Variants in UNC13C observed in about 807,000 individuals in gnomAD.
UNC13C encodes protein unc-13 homolog C.
Under a neutral mutation model 245.4 loss-of-function variants are expected in UNC13C, and 174 were observed. The ratio of observed to expected loss-of-function variants is 0.71; its 90% CI spans 0.63 to 0.80. The LOEUF (loss-of-function observed/expected upper bound fraction) is 0.80, where lower values mean the gene tolerates loss of function less well. Among genes scored for constraint, UNC13C ranks in the 30% least tolerant of loss-of-function variants. UNC13C has a pLI of 0.00. For synonymous variants in UNC13C, 992 were observed against 895.1 expected, an observed-to-expected ratio of 1.11 and a Z score of -1.93; for missense variants, 2,829 against 2,602.9, an observed-to-expected ratio of 1.09 and a Z score of -1.89.
At chr15:54,037,400 A>G (rs1595748507) in intron 2 of UNC13C, among the ~76,000 whole-genome samples, 1 of 152,200 alleles carries the variant, frequency 6.6e-6, no homozygotes, top group Middle Eastern at 3.2e-3. Flanking sequence ...AATTGCGGTA[A>G]TAAGAGTATT....
At chr15:54,479,253 G>A (rs188655640) in intron 19 of UNC13C, among the ~76,000 whole-genome samples, 325 of 152,102 alleles carry the variant, frequency 2.1e-3, no homozygotes, top group Non-Finnish European at 3.6e-3. Flanking sequence ...ATATATCTGG[G>A]TGCTTTGGTA....
rs931307407 is a variant in UNC13C at position 54,325,265 on chromosome 15, C to T, written c.4425+3170C>T. The stretch of plus-strand genomic sequence containing the variant: ...TTCCAACATTGAAGGCACACACACA[C>T]ATACATACACACACTTACACACACA... On this transcript the variant is annotated intron_variant, in intron 14 of 32. Coordinates refer to ENST00000260323, the MANE Select transcript of UNC13C (RefSeq NM_001080534.3). Among the ~76,000 whole-genome samples, 15 of 151,876 alleles carry T rather than the reference C, an allele frequency of 9.9e-5. 1 individual carries two copies. The highest frequency in any genetic ancestry group is 2.0e-4 in the Admixed American group (3 of 15,246).
At chr15:53,993,856 G>T (rs1894497763) in intron 1 of UNC13C, among the ~76,000 whole-genome samples, 1 of 152,072 alleles carries the variant, frequency 6.6e-6, no homozygotes, top group African/African-American at 2.4e-5. Flanking sequence ...TCTAGGCTAT[G>T]TAAGGGGAAT....
chr15:53,987,871 CTAAT>C (rs1396353543), intron 1 of UNC13C, among the ~76,000 whole-genome samples: 1 of 151,982 alleles, frequency 6.6e-6, no homozygotes, highest in Non-Finnish European at 1.5e-5. Context: ...TGCTTTTGCC[CTAAT>C]TAAACTATCT....
At chr15:54,226,596 C>T (rs2035390781) in intron 4 of UNC13C, among the ~76,000 whole-genome samples, 1 of 152,154 alleles carries the variant, frequency 6.6e-6, no homozygotes, top group Admixed American at 6.5e-5. Context: ...GCCACTGGCC[C>T]AGATCCTACA....
intron 1 of UNC13C, among the ~76,000 whole-genome samples, chr15:53,986,958 A>T (rs1292678333): frequency 6.6e-6 from 1 of 152,070 alleles, no homozygotes; most frequent in Admixed American, 6.6e-5. Flanking sequence ...TAACTAATTT[A>T]TCATAGTAGC....
At chr15:54,436,482 C>T (rs2040989465) in intron 19 of UNC13C, among the ~76,000 whole-genome samples, 1 of 151,738 alleles carries the variant, frequency 6.6e-6, no homozygotes, top group Non-Finnish European at 1.5e-5. Context: ...ACTATGCAGC[C>T]ATAAAAAAGG....
chr15:53,879,000 C>G, the UNC13C span, among the ~76,000 whole-genome samples: 1 of 152,134 alleles, frequency 6.6e-6, no homozygotes, highest in Non-Finnish European at 1.5e-5. Flanking sequence ...CTGAGTATGG[C>G]TCCCTGAAAA....
Position 54,012,946 on chromosome 15 carries a change from C to T in UNC13C, c.43C>T (p.His15Tyr). 1 of 1,612,642 alleles carries T rather than the reference C, an allele frequency of 6.2e-7. No individual in the cohort carries two copies. The highest frequency in any genetic ancestry group is 8.5e-7 in the Non-Finnish European group (1 of 1,179,398). Residue 15 changes from histidine (H) to tyrosine (Y), a missense_variant, in exon 2 of 33, where the codon CAT becomes TAT. Physicochemically the swap from His to Tyr is moderately conservative, Grantham distance 83 (BLOSUM62 2). Coordinates refer to ENST00000260323, the MANE Select transcript of UNC13C (RefSeq NM_001080534.3). ...CAAGAGCTTGATTTTACCTTACATT[C>T]ATAAGCTTTGCAAAGGAATGTTTAC... Reference protein sequence around the residue: ...FFKSLILPYIHKLCKGMFTKK... With the variant: ...FFKSLILPYIYKLCKGMFTKK...
At chr15:54,100,790 C>A (rs1900123787) in intron 2 of UNC13C, among the ~76,000 whole-genome samples, 1 of 152,084 alleles carries the variant, frequency 6.6e-6, no homozygotes, top group South Asian at 2.1e-4. Context: ...GCCACCTAAT[C>A]CATGCCATCA....
chr15:54,575,895 T>A (rs937550077), intron 30 of UNC13C, among the ~76,000 whole-genome samples: 1 of 152,208 alleles, frequency 6.6e-6, no homozygotes, highest in African/African-American at 2.4e-5. Flanking sequence ...GAAATATGGC[T>A]CTTCAAACAT....
chr15:54,631,611 T>C (rs1901458839), downstream of UNC13C: 1 of 152,198 alleles, frequency 6.6e-6, no homozygotes, highest in African/African-American at 2.4e-5. Context: ...GTATATATTC[T>C]TTTGAGCCTG....
upstream of UNC13C, chr15:53,974,983 G>A (rs1237806563): frequency 2.0e-5 from 3 of 152,218 alleles, no homozygotes; most frequent in Non-Finnish European, 4.4e-5. Flanking sequence ...GTTGGCAGGA[G>A]TCCTTAGTTC....
intron 17 of UNC13C, among the ~76,000 whole-genome samples, chr15:54,391,861 ACAACT>A (rs1271173483): frequency 6.6e-6 from 1 of 152,150 alleles, no homozygotes; most frequent in African/African-American, 2.4e-5. Context: ...TAATTAAATG[ACAACT>A]CAACAAAATA....
chr15:54,236,319 G>C, intron 5 of UNC13C, 111 bp from the exon 6 acceptor site: 1 of 808,402 alleles, frequency 1.2e-6, no homozygotes, highest in Non-Finnish European at 2.0e-6. Context: ...TCTTCACTAT[G>C]TGGAAATAAT....
At chr15:53,878,507 A>T in the UNC13C span, among the ~76,000 whole-genome samples, 1 of 152,184 alleles carries the variant, frequency 6.6e-6, no homozygotes, top group South Asian at 2.1e-4. Context: ...CTGCAGCAGG[A>T]ATTATCATTT....
intron 4 of UNC13C, among the ~76,000 whole-genome samples, chr15:54,190,335 A>C (rs28718018): frequency 0.085 from 12,867 of 152,208 alleles, 761 homozygotes; most frequent in African/African-American, 0.16. Context: ...TTCAAAAAGC[A>C]AAAAGACTAC....
chr15:54,236,017 G>GTA (rs1555435234), intron 5 of UNC13C, among the ~76,000 whole-genome samples: 1 of 105,462 alleles, frequency 9.5e-6, no homozygotes, highest in Admixed American at 8.9e-5. Context: ...ACATTAGATT[G>GTA]TAAAAAAAAA....
intron 14 of UNC13C, among the ~76,000 whole-genome samples, chr15:54,328,721 A>G (rs1375391223): frequency 6.6e-6 from 1 of 151,956 alleles, no homozygotes; most frequent in Non-Finnish European, 1.5e-5. Flanking sequence ...AGGAGCAACT[A>G]CCTCTTCCCC....
Sources: allele counts gnomAD v4.1 joint callset (sites outside exome capture counted in the v4.1 genomes callset), GRCh38; gene constraint gnomAD v4.1.1; transcripts MANE v1.5; gene names NCBI Gene and HGNC (gene_info 2026-07-23, HGNC 2026-07-21).